Variants in TMEM108 observed in about 807,000 individuals in gnomAD.
TMEM108 encodes cancer/testis antigen 124.
TMEM108 carries 12 observed loss-of-function variants against 35.1 expected under a neutral mutation model. The observed-to-expected ratio is 0.34, with a 90% CI of 0.22 to 0.55. The LOEUF (loss-of-function observed/expected upper bound fraction) is 0.55. Ranked by LOEUF, TMEM108 falls within the 20% of genes least tolerant of loss-of-function variation. The pLI, the probability that TMEM108 is intolerant of heterozygous loss-of-function variation, is 0.89. For missense variants in TMEM108, 680 were observed against 753.3 expected (o/e 0.90, Z 1.14); for synonymous variants, 287 against 308.6 (o/e 0.93, Z 0.73).
chr3:133,137,340 A>G (rs554993560), intron 2 of TMEM108, among the ~76,000 whole-genome samples: 7 of 152,346 alleles, frequency 4.6e-5, no homozygotes, highest in African/African-American at 1.4e-4. Context: ...CGCTGCCGTC[A>G]GTCATCTTTC....
chr3:133,259,136 A>G (rs1057205987), intron 3 of TMEM108, among the ~76,000 whole-genome samples: 2 of 152,232 alleles, frequency 1.3e-5, no homozygotes, highest in Admixed American at 1.3e-4. Flanking sequence ...GAAGTCTTAC[A>G]TAATTAAGTG....
At chr3:133,332,067 C>A (rs865822483) in intron 3 of TMEM108, among the ~76,000 whole-genome samples, 2 of 133,430 alleles carry the variant, frequency 1.5e-5, no homozygotes, top group Non-Finnish European at 3.2e-5. Flanking sequence ...TGCTTGTGCG[C>A]GTGCGTGCGC....
intron 3 of TMEM108, among the ~76,000 whole-genome samples, chr3:133,361,342 G>A (rs2072343116): frequency 6.6e-6 from 1 of 152,168 alleles, no homozygotes. Flanking sequence ...GAAGTTTTAG[G>A]CAAATTACTT....
intron 3 of TMEM108, among the ~76,000 whole-genome samples, chr3:133,373,348 CAAA>C (rs59367666): frequency 2.4e-4 from 19 of 79,900 alleles, no homozygotes; most frequent in African/African-American, 4.9e-4. Flanking sequence ...GACCTTGTCT[CAAA>C]AAAAAAAAAA....
intron 4 of TMEM108, among the ~76,000 whole-genome samples, chr3:133,385,085 A>G (rs2073113071): frequency 1.3e-5 from 2 of 152,228 alleles, no homozygotes; most frequent in Non-Finnish European, 2.9e-5. Flanking sequence ...AGTGAATATT[A>G]GACCTGAATG....
intron 3 of TMEM108, among the ~76,000 whole-genome samples, chr3:133,347,768 A>G (rs945009879): frequency 6.6e-6 from 1 of 152,108 alleles, no homozygotes; most frequent in Admixed American, 6.6e-5. Flanking sequence ...TACTTCCCCT[A>G]TATAGCAGGA....
At chr3:133,391,711 C>T (rs553345621) in intron 5 of TMEM108, among the ~76,000 whole-genome samples, 1 of 152,330 alleles carries the variant, frequency 6.6e-6, no homozygotes, top group East Asian at 1.9e-4. Context: ...CAGGCTCTCC[C>T]CAGCACCCCC....
intron 1 of TMEM108, among the ~76,000 whole-genome samples, chr3:133,045,194 G>A (rs1469096856): frequency 2.0e-5 from 3 of 151,936 alleles, no homozygotes; most frequent in African/African-American, 4.8e-5. Context: ...GGTCTTGATC[G>A]CCTGATCTTG....
intron 3 of TMEM108, chr3:133,246,408 G>T (rs1022418722): frequency 1.3e-5 from 2 of 151,864 alleles, no homozygotes; most frequent in African/African-American, 4.8e-5. Flanking sequence ...TGGCCATTGT[G>T]TTAAGAGATA....
At chr3:133,378,276 G>A (rs538672393) in intron 3 of TMEM108, 3 of 934,698 alleles carry the variant, frequency 3.2e-6, no homozygotes, top group Admixed American at 6.2e-5. Context: ...CACACCAAAC[G>A]GTGATCCTGG....
At chr3:133,142,572 C>T (rs181091145) in intron 2 of TMEM108, among the ~76,000 whole-genome samples, 1 of 152,280 alleles carries the variant, frequency 6.6e-6, no homozygotes, top group Middle Eastern at 3.4e-3. Context: ...ACTCCACACT[C>T]CACATGTCCC....
At chr3:133,316,074 TTCTGGTAA>T (rs1407632931) in intron 3 of TMEM108, among the ~76,000 whole-genome samples, 1 of 152,240 alleles carries the variant, frequency 6.6e-6, no homozygotes, top group African/African-American at 2.4e-5. Context: ...CAAACATTTC[TTCTGGTAA>T]TCAGCTGGTC....
chr3:133,176,908 T>G (rs1945240046), intron 2 of TMEM108, among the ~76,000 whole-genome samples: 1 of 152,018 alleles, frequency 6.6e-6, no homozygotes, highest in Non-Finnish European at 1.5e-5. Context: ...ACAAAATTGA[T>G]AGACCGCTAG....
At chr3:133,241,529 G>A (rs1946312324) in intron 3 of TMEM108, among the ~76,000 whole-genome samples, 1 of 151,600 alleles carries the variant, frequency 6.6e-6, no homozygotes, top group Admixed American at 6.6e-5. Context: ...GCTGTGGGCA[G>A]CCGCATTGCT....
At chr3:133,110,112 AG>A (rs1944207195) in intron 2 of TMEM108, among the ~76,000 whole-genome samples, 2 of 152,040 alleles carry the variant, frequency 1.3e-5, no homozygotes, top group Admixed American at 1.3e-4. Context: ...CTTCCCTCAG[AG>A]GATCAGTGAA....
At chr3:133,268,537 G>A (rs1358494267) in intron 3 of TMEM108, among the ~76,000 whole-genome samples, 3 of 152,214 alleles carry the variant, frequency 2.0e-5, no homozygotes, top group Admixed American at 2.0e-4. Flanking sequence ...TTCAAAACTA[G>A]AATGCATATT....
At chr3:133,117,585 TCCTCATGATAG>T (rs1296706275) in intron 2 of TMEM108, among the ~76,000 whole-genome samples, 1 of 152,218 alleles carries the variant, frequency 6.6e-6, no homozygotes, top group Admixed American at 6.5e-5. Context: ...GGCAGGTTCT[TCCTCATGATAG>T]CCTTCTCAAC....
intron 2 of TMEM108, among the ~76,000 whole-genome samples, chr3:133,194,278 C>T (rs1868602): frequency 0.25 from 37,687 of 151,998 alleles, 4,937 homozygotes; most frequent in Middle Eastern, 0.37. Flanking sequence ...TTAATTTAAC[C>T]TTATCTTTTT....
intron 2 of TMEM108, among the ~76,000 whole-genome samples, chr3:133,148,335 C>T (rs1944750957): frequency 6.6e-6 from 1 of 152,058 alleles, no homozygotes; most frequent in African/African-American, 2.4e-5. Context: ...CATCTAATGG[C>T]CAAAGCTAGG....
Sources: allele counts gnomAD v4.1 joint callset (sites outside exome capture counted in the v4.1 genomes callset), GRCh38; gene constraint gnomAD v4.1.1; transcripts MANE v1.5; gene names NCBI Gene and HGNC (gene_info 2026-07-23, HGNC 2026-07-21).